CAPN15: variants seen among roughly 807,000 people sequenced by gnomAD.
CAPN15 encodes the protein calpain 15.
CAPN15 carries 53 observed loss-of-function variants against 97.9 expected under a neutral mutation model. The observed-to-expected ratio is 0.54, with a 90% CI of 0.43 to 0.68. The LOEUF is 0.68. CAPN15 is among the 30% of genes least tolerant of loss of function. The probability of loss-of-function intolerance (pLI) is 0.00; values close to 1 mark genes in which losing one functional copy is unlikely to be tolerated. For missense variants in CAPN15, 1,592 were observed against 1,589.8 expected, an observed-to-expected ratio of 1.00 and a Z score of -0.02; for synonymous variants, 922 against 722.5, an observed-to-expected ratio of 1.28 and a Z score of -4.43.
chr16:548,897 A>G (rs887039410), intron 4 of CAPN15, 96 bp from the exon 5 acceptor site: 1 of 1,111,482 alleles, frequency 9.0e-7, no homozygotes, highest in East Asian at 2.4e-5. Flanking sequence ...GGGCTCAGGC[A>G]GTGCTTTTGG....
At chr16:533,189 C>G (rs1308156167) in intron 1 of CAPN15, among the ~76,000 whole-genome samples, 1 of 152,136 alleles carries the variant, frequency 6.6e-6, no homozygotes, top group African/African-American at 2.4e-5. Flanking sequence ...CCACTGCACC[C>G]CAGCCTGGGT....
intron 9 of CAPN15, 112 bp from the exon 10 acceptor site, chr16:551,939 G>A (rs1345618058): frequency 1.6e-6 from 2 of 1,225,376 alleles, no homozygotes; most frequent in African/African-American, 3.0e-5. Context: ...AGAGGACGGT[G>A]ACGGAGCAGC....
intron 3 of CAPN15, chr16:537,768 A>G (rs1216957474): frequency 6.6e-6 from 1 of 152,198 alleles, no homozygotes; most frequent in Non-Finnish European, 1.5e-5. Context: ...CCCTGGGTTG[A>G]TGCGTGGGCT....
chr16:550,314 C>T (rs980754524), intron 7 of CAPN15, among the ~76,000 whole-genome samples: 2 of 152,326 alleles, frequency 1.3e-5, no homozygotes, highest in East Asian at 3.9e-4. Context: ...CTGCTGCCCA[C>T]CCCCCACCCG....
rs1222515471 is a variant in CAPN15, at chr16:549,151, C to T, written c.1608C>T (p.Phe536=). ...ACCACAGGGCCACGTGGTCTGTGTT[C>T]CACACACTGCGGCCCTCAGACATCC... is the stretch of plus-strand genomic sequence containing the variant. ...FRDHRATWSV[F]HTLRPSDILQ... The change falls in exon 5 of 14, where the codon TTC becomes TTT. Residue 536 remains phenylalanine, a synonymous_variant. Transcript: ENST00000219611. 6.2e-7 allele frequency: 1 copy of T among 1,611,432 alleles called. No individual in the cohort carries two copies. Among genetic ancestry groups the T allele is most frequent in the African/African-American group, 1.3e-5 (1 of 74,988 alleles).
At chr16:543,195 C>T (rs1038698764) in intron 3 of CAPN15, 15 of 154,280 alleles carry the variant, frequency 9.7e-5, no homozygotes, top group African/African-American at 2.9e-4. Context: ...AAAGGATTGT[C>T]GTTCCCTTTC....
intron 3 of CAPN15, among the ~76,000 whole-genome samples, chr16:543,745 A>G (rs1438766252): frequency 6.6e-6 from 1 of 152,172 alleles, no homozygotes; most frequent in African/African-American, 2.4e-5. Context: ...CACCACGTGC[A>G]TGCACAGGCG....
At chr16:544,488 C>T (rs936632515) in intron 3 of CAPN15, among the ~76,000 whole-genome samples, 29 of 152,152 alleles carry the variant, frequency 1.9e-4, no homozygotes, top group Admixed American at 1.8e-3. Flanking sequence ...CCTCCACGCT[C>T]CGGGTGCTGC....
At chr16:530,240 G>A (rs181584377) in intron 1 of CAPN15, among the ~76,000 whole-genome samples, 5 of 152,206 alleles carry the variant, frequency 3.3e-5, no homozygotes, top group East Asian at 3.8e-4. Flanking sequence ...ACTTGGGACC[G>A]CCCTGTCTCC....
chr16:547,199 G>A lies in CAPN15; in HGVS notation c.361G>A (p.Gly121Arg). Residue 121 changes from glycine to arginine, a missense_variant, in exon 4 of 14, where the codon GGG (glycine) becomes AGG (arginine). By Grantham distance (125) the Gly-to-Arg change is moderately radical (BLOSUM62 -2). Coordinates refer to ENST00000219611, the MANE Select transcript of CAPN15 (RefSeq NM_005632.3). ...GCTGGTGGCCACGGAGCCCGCCAGG[G>A]GGCAGTGCGAGGACAAGGACGAGGA... Reference protein sequence around the residue: ...AGLVATEPARGQCEDKDEEEK... With the variant: ...AGLVATEPARRQCEDKDEEEK... 6.5e-7 allele frequency: 1 copy of A among 1,532,588 alleles called. No individual in the cohort carries two copies. The highest frequency in any genetic ancestry group is 8.7e-7 in the Non-Finnish European group (1 of 1,145,010). The allele number at this position is 1,532,588 out of a possible 1,614,324, so 94.9% of individuals were successfully genotyped here. A position where few individuals can be genotyped will look rare whatever the true frequency, so the allele number is the denominator to read the frequency against.
At chr16:550,645 T>G (rs1166813546) in intron 7 of CAPN15, among the ~76,000 whole-genome samples, 1 of 137,248 alleles carries the variant, frequency 7.3e-6, no homozygotes, top group African/African-American at 2.7e-5. Context: ...TCAGTGAGGG[T>G]TCCCTGTCGG....
chr16:551,893 A>G (rs761325371), intron 9 of CAPN15, 158 bp from the exon 10 acceptor site: 80 of 970,020 alleles, frequency 8.2e-5, no homozygotes, highest in Non-Finnish European at 1.2e-4. Context: ...TTCCTATTAT[A>G]GGCCTCAGGG....
chr16:551,742 C>T (rs2035095454), intron 9 of CAPN15, 78 bp downstream of exon 9: 13 of 1,549,920 alleles, frequency 8.4e-6, no homozygotes, highest in Non-Finnish European at 1.1e-5. Flanking sequence ...ACAAGCCTGT[C>T]CCTCCTGCTG....
In CAPN15 at chr16:551,363, A is replaced by G; in HGVS notation, c.2128A>G (p.Ser710Gly). 6.2e-7 allele frequency: 1 copy of G among 1,609,924 alleles called. No homozygotes were observed. Among genetic ancestry groups the G allele is most frequent in the Non-Finnish European group, 8.5e-7 (1 of 1,178,808 alleles). Reference protein sequence around the residue: ...NMKVDDSAYESLGLRPRHAYS... With the variant: ...NMKVDDSAYEGLGLRPRHAYS... The stretch of plus-strand genomic sequence containing the variant: ...GAAGGTGGACGATTCGGCCTACGAG[A>G]GCCTGGGCCTGCGCCCCCGGCATGC... Residue 710 changes from serine to glycine, a missense_variant, in exon 8 of 14, where the codon AGC becomes GGC. Around this residue, in one of 3 missense-constraint regions of CAPN15, gnomAD observed 644 missense variants for 699.6 expected, o/e 0.92. Transcript: ENST00000219611.
At chr16:544,339 G>T (rs111857694) in intron 3 of CAPN15, among the ~76,000 whole-genome samples, 2 of 152,138 alleles carry the variant, frequency 1.3e-5, no homozygotes, top group African/African-American at 4.8e-5. Context: ...CGGGGCATCT[G>T]TGTTTCTCGG....
intron 1 of CAPN15, among the ~76,000 whole-genome samples, chr16:530,529 T>C (rs1174700909): frequency 6.6e-6 from 1 of 152,212 alleles, no homozygotes; most frequent in South Asian, 2.1e-4. Flanking sequence ...GATCTTTGCA[T>C]GTGTGTCTCG....
rs765134058 is a variant in CAPN15 at position 552,569 on chromosome 16, C to T, written c.2738-36C>T. 2.7e-5 allele frequency: 42 copies of T among 1,564,378 alleles called. No homozygotes were observed. The highest frequency in any genetic ancestry group is 9.3e-5 in the East Asian group (4 of 42,880). On this transcript the variant is annotated intron_variant, in intron 11 of 13. Transcript: ENST00000219611. The surrounding 1 kb of genome is among the most constrained non-coding windows in gnomAD (Gnocchi z 6.4). ...ACCCCAGGCTCATGCCCCAGGCCCA[C>T]GGGGAGGGCTGCGGTTCACACGCCC...
At chr16:551,281 G>C in intron 7 of CAPN15, 21 bp from the exon 8 acceptor site, 1 of 1,572,880 alleles carries the variant, frequency 6.4e-7, no homozygotes, top group South Asian at 1.2e-5. Flanking sequence ...CCCGGTCGGT[G>C]AGGGCCGCTC....
Position 549,216 on chromosome 16 carries a change from A to ACGTTGCAGGGCAG in CAPN15, c.1658+15_1658+16insCGTTGCAGGGCAG, listed in dbSNP as rs2034816612. On this transcript the variant is annotated intron_variant, in intron 5 of 13. Transcript: ENST00000219611. ...GGGAACTGCTGGTGAGGCCTTCTCCAAGGCCGGGGTGGGGCGGGTGGGCGG... is the reference window on the plus strand; with the variant it reads ...GGGAACTGCTGGTGAGGCCTTCTCCACGTTGCAGGGCAGAGGCCGGGGTGGGGCGGGTGGGCGG... The ACGTTGCAGGGCAG allele has an allele frequency of 4.1e-6, 1 of 242,982 alleles. No individual in the cohort carries two copies. Among genetic ancestry groups the ACGTTGCAGGGCAG allele is most frequent in the African/African-American group, 5.5e-5 (1 of 18,254 alleles). 15.1% of individuals were successfully genotyped at this position (242,982 alleles called of 1,614,324 possible). A position where few individuals can be genotyped will look rare whatever the true frequency, so the allele number is the denominator to read the frequency against.
Sources: gnomAD v4.1 joint callset for allele counts (sites outside exome capture counted in the v4.1 genomes callset) on GRCh38, gnomAD v4.1.1 for gene constraint, gnomAD v4.1.1 regional missense constraint, Gnocchi (gnomAD v3.1) non-coding constraint, MANE v1.5 for transcripts, NCBI Gene and HGNC (gene_info 2026-07-23, HGNC 2026-07-21) for gene names.